Variants in ACOXL observed in about 807,000 individuals in gnomAD.
The protein encoded by ACOXL is acyl-coenzyme A oxidase-like protein.
A neutral mutation model predicts 71.9 loss-of-function variants in ACOXL; 70 were observed. That is an observed-to-expected ratio of 0.97 (90% CI 0.80 to 1.19). ACOXL has a LOEUF of 1.19. Ranked by LOEUF, ACOXL falls within the 50% of genes most tolerant of loss-of-function variation. ACOXL has a pLI of 0.00. For synonymous variants in ACOXL, 253 were observed against 281.6 expected (o/e 0.90, Z 1.02); for missense variants, 703 against 736.3 (o/e 0.95, Z 0.52).
chr2:111,055,786 C>T (rs1349822919), intron 16 of ACOXL, among the ~76,000 whole-genome samples: 1 of 152,208 alleles, frequency 6.6e-6, no homozygotes, highest in Non-Finnish European at 1.5e-5. Flanking sequence ...ATTCCCATAA[C>T]ACAGCTGATA....
intron 12 of ACOXL, among the ~76,000 whole-genome samples, chr2:110,971,541 A>G (rs1174322088): frequency 6.6e-6 from 1 of 152,262 alleles, no homozygotes; most frequent in Non-Finnish European, 1.5e-5. Flanking sequence ...GAATAAGTTT[A>G]GAAAGAAATA....
At chr2:111,033,131 G>A (rs370998789) in intron 15 of ACOXL, among the ~76,000 whole-genome samples, 2 of 152,188 alleles carry the variant, frequency 1.3e-5, no homozygotes, top group African/African-American at 4.8e-5. Flanking sequence ...GACCATGACC[G>A]CATTGGCCTT....
intron 12 of ACOXL, among the ~76,000 whole-genome samples, chr2:110,973,619 T>G (rs1034512854): frequency 1.3e-5 from 2 of 152,172 alleles, no homozygotes; most frequent in Non-Finnish European, 2.9e-5. Flanking sequence ...GTTTATGGTA[T>G]TTTGTTATAG....
rs117290146 is a variant in ACOXL at position 110,988,994 on chromosome 2, G to A, written c.1169+1777G>A. 4.4e-3 allele frequency among the ~76,000 whole-genome samples: 670 copies of A among 151,098 alleles called. 8 individuals are homozygous for A. Among genetic ancestry groups the A allele is most frequent in the Non-Finnish European group, 7.9e-3 (534 of 67,758 alleles). On this transcript the variant is annotated intron_variant, in intron 13 of 17. Coordinates refer to ENST00000439055, the MANE Select transcript of ACOXL (RefSeq NM_001142807.4). ...TGGCTTGTCTTATATTTTCTTTATC[G>A]TGTGTTTTGATTGAGATAAATTCAT...
chr2:110,761,840 TCTCTCAGC>T, intron 1 of ACOXL, among the ~76,000 whole-genome samples: 3 of 152,354 alleles, frequency 2.0e-5, no homozygotes, highest in Admixed American at 2.0e-4. Flanking sequence ...TTAGGTGTTC[TCTCTCAGC>T]CTGAGGATAC....
chr2:110,738,548 A>G (rs1677147801), intron 1 of ACOXL, among the ~76,000 whole-genome samples: 2 of 152,210 alleles, frequency 1.3e-5, no homozygotes, highest in Non-Finnish European at 2.9e-5. Context: ...TCCAATATCC[A>G]ACATTGCAAT....
chr2:110,803,864 G>A (rs909846576), intron 8 of ACOXL, among the ~76,000 whole-genome samples: 1 of 151,852 alleles, frequency 6.6e-6, no homozygotes, highest in Non-Finnish European at 1.5e-5. Flanking sequence ...AATCTGAATA[G>A]ACATTTCACT....
chr2:111,090,422 A>G (rs757344833), intron 16 of ACOXL, among the ~76,000 whole-genome samples: 5 of 152,162 alleles, frequency 3.3e-5, no homozygotes, highest in African/African-American at 4.8e-5. Context: ...ACCTGTGCCT[A>G]GCTGTGGTGT....
At chr2:110,846,783 G>A (rs1353566074) in intron 10 of ACOXL, among the ~76,000 whole-genome samples, 4 of 145,776 alleles carry the variant, frequency 2.7e-5, no homozygotes, top group Non-Finnish European at 6.1e-5. Context: ...GGGTGTGTGT[G>A]TGTTGGGGGG....
chr2:111,000,728 C>G (rs1302621642), intron 14 of ACOXL, among the ~76,000 whole-genome samples: 1 of 152,188 alleles, frequency 6.6e-6, no homozygotes, highest in Non-Finnish European at 1.5e-5. Context: ...CATGACATAC[C>G]CATGATATCT....
intron 1 of ACOXL, among the ~76,000 whole-genome samples, chr2:110,765,377 A>C (rs569836239): frequency 1.8e-4 from 27 of 152,170 alleles, no homozygotes; most frequent in African/African-American, 5.5e-4. Context: ...TTTTTGGTCC[A>C]GTCTCTCTTT....
intron 10 of ACOXL, among the ~76,000 whole-genome samples, chr2:110,876,543 G>A (rs867205492): frequency 6.6e-6 from 1 of 152,322 alleles, no homozygotes; most frequent in East Asian, 1.9e-4. Flanking sequence ...TGTGCAGCTT[G>A]TCACTCCAGC....
chr2:110,868,364 G>T (rs1360434757), intron 10 of ACOXL, among the ~76,000 whole-genome samples: 1 of 152,106 alleles, frequency 6.6e-6, no homozygotes, highest in African/African-American at 2.4e-5. Context: ...GGGTGCTCTG[G>T]TTTCTGGCTC....
chr2:110,843,381 T>C (rs1691410908), intron 10 of ACOXL, among the ~76,000 whole-genome samples: 1 of 152,198 alleles, frequency 6.6e-6, no homozygotes, highest in South Asian at 2.1e-4. Flanking sequence ...ACTGTGAAAG[T>C]GGCAGGGAAG....
chr2:110,870,495 CCTT>C (rs766543050), intron 10 of ACOXL, among the ~76,000 whole-genome samples: 1 of 152,144 alleles, frequency 6.6e-6, no homozygotes, highest in Non-Finnish European at 1.5e-5. Flanking sequence ...TTGTGACAAA[CCTT>C]CTAGGTGGTT....
At chr2:110,992,911 A>G (rs1236338234) in intron 13 of ACOXL, among the ~76,000 whole-genome samples, 1 of 152,226 alleles carries the variant, frequency 6.6e-6, no homozygotes, top group Admixed American at 6.5e-5. Context: ...ATTTACAAAT[A>G]TTCAGCAAAG....
intron 15 of ACOXL, among the ~76,000 whole-genome samples, chr2:111,040,377 C>G (rs1355567235): frequency 6.6e-6 from 1 of 152,228 alleles, no homozygotes; most frequent in East Asian, 1.9e-4. Flanking sequence ...GGAGCTGCCC[C>G]TCCTGAATCT....
chr2:110,997,303 A>G (rs1244376778), intron 14 of ACOXL, among the ~76,000 whole-genome samples: 1 of 151,874 alleles, frequency 6.6e-6, no homozygotes, highest in African/African-American at 2.4e-5. Context: ...ATAATCACAG[A>G]CATAGTAGAA....
chr2:111,104,522 T>C (rs186298156), intron 17 of ACOXL, among the ~76,000 whole-genome samples: 7 of 152,340 alleles, frequency 4.6e-5, no homozygotes, highest in African/African-American at 1.7e-4. Flanking sequence ...ACTTTCTATG[T>C]TAACCATTCT....
Sources: allele counts gnomAD v4.1 joint callset (sites outside exome capture counted in the v4.1 genomes callset), GRCh38; gene constraint gnomAD v4.1.1; transcripts MANE v1.5; gene names NCBI Gene and HGNC (gene_info 2026-07-23, HGNC 2026-07-21).